Variants in ATXN1 observed in about 807,000 individuals in gnomAD.
The protein encoded by ATXN1 is ataxin 1, also known as ataxin-1.
A neutral mutation model predicts 56.4 loss-of-function variants in ATXN1; 8 were observed. That is an observed-to-expected ratio of 0.14 (90% CI 0.08 to 0.26). The LOEUF is 0.26. ATXN1 is among the 10% of genes least tolerant of loss of function. The pLI is 1.00. For missense variants in ATXN1, 987 were observed against 1,106.5 expected, an observed-to-expected ratio of 0.89 and a Z score of 1.53; for synonymous variants, 514 against 494.6, an observed-to-expected ratio of 1.04 and a Z score of -0.52.
At chr6:16,392,752 T>TCC (rs1406441798) in intron 6 of ATXN1, among the ~76,000 whole-genome samples, 1 of 152,154 alleles carries the variant, frequency 6.6e-6, no homozygotes, top group African/African-American at 2.4e-5. Flanking sequence ...CGCTTTGGCC[T>TCC]CCCAAAGTGC....
At chr6:16,603,056 C>T (rs1467165179) in intron 3 of ATXN1, among the ~76,000 whole-genome samples, 2 of 152,120 alleles carry the variant, frequency 1.3e-5, no homozygotes, top group Non-Finnish European at 2.9e-5. Flanking sequence ...TTTCTAAGTG[C>T]CGATAAAATA....
intron 6 of ATXN1, among the ~76,000 whole-genome samples, chr6:16,348,302 C>G (rs931495023): frequency 6.6e-6 from 1 of 152,096 alleles, no homozygotes; most frequent in African/African-American, 2.4e-5. Flanking sequence ...TGGGCTTAAG[C>G]GATCCTCCCA....
intron 4 of ATXN1, among the ~76,000 whole-genome samples, chr6:16,553,344 G>A (rs1302412297): frequency 6.6e-6 from 1 of 152,106 alleles, no homozygotes; most frequent in African/African-American, 2.4e-5. Context: ...TCTTGCTCCT[G>A]TCCGGGTTCA....
chr6:16,552,431 A>G (rs1349731458), intron 4 of ATXN1, among the ~76,000 whole-genome samples: 1 of 152,232 alleles, frequency 6.6e-6, no homozygotes, highest in East Asian at 1.9e-4. Context: ...AAAAGAAAAA[A>G]TATTGTGCAC....
At chr6:16,518,198 A>C (rs1323701406) in intron 5 of ATXN1, among the ~76,000 whole-genome samples, 4 of 152,198 alleles carry the variant, frequency 2.6e-5, no homozygotes, top group East Asian at 1.9e-4. Flanking sequence ...AAATATGGCC[A>C]GAGCAGGAAG....
intron 6 of ATXN1, among the ~76,000 whole-genome samples, chr6:16,387,942 A>G (rs1169102947): frequency 6.6e-6 from 1 of 152,202 alleles, no homozygotes; most frequent in African/African-American, 2.4e-5. Context: ...AAAACTCCCA[A>G]TTGCATAAAT....
At chr6:16,322,666 A>G (rs1222443854) in intron 7 of ATXN1, among the ~76,000 whole-genome samples, 1 of 152,214 alleles carries the variant, frequency 6.6e-6, no homozygotes, top group Non-Finnish European at 1.5e-5. Flanking sequence ...TCAGGAAGGC[A>G]CTGCAGAGGG....
intron 3 of ATXN1, among the ~76,000 whole-genome samples, chr6:16,630,171 C>T (rs984806525): frequency 6.6e-6 from 1 of 152,114 alleles, no homozygotes; most frequent in East Asian, 1.9e-4. Flanking sequence ...GTGGGCATTC[C>T]CTTGGGTGCC....
At chr6:16,683,381 GGCAGTTTCTCA>G (rs1758854147) in intron 2 of ATXN1, among the ~76,000 whole-genome samples, 1 of 152,154 alleles carries the variant, frequency 6.6e-6, no homozygotes, top group Non-Finnish European at 1.5e-5. Context: ...GGATAAAGAG[GGCAGTTTCTCA>G]GCTTCAGTGC....
intron 5 of ATXN1, among the ~76,000 whole-genome samples, chr6:16,514,476 G>A (rs1206962524): frequency 2.6e-5 from 4 of 152,038 alleles, no homozygotes; most frequent in East Asian, 3.9e-4. Context: ...CACACATTCC[G>A]TTTTACTTTC....
intron 4 of ATXN1, among the ~76,000 whole-genome samples, chr6:16,575,740 A>T (rs192674489): frequency 4.3e-4 from 65 of 152,344 alleles, no homozygotes; most frequent in African/African-American, 1.5e-3. Context: ...CACATTTGCA[A>T]GTCCTTATTA....
At chr6:16,635,159 C>A (rs1490700333) in intron 3 of ATXN1, among the ~76,000 whole-genome samples, 1 of 152,110 alleles carries the variant, frequency 6.6e-6, no homozygotes, top group African/African-American at 2.4e-5. Context: ...GTGAACTGCA[C>A]ATGTGAGGGA....
intron 6 of ATXN1, among the ~76,000 whole-genome samples, chr6:16,387,943 T>C (rs572165657): frequency 3.6e-4 from 55 of 152,268 alleles, no homozygotes; most frequent in Admixed American, 3.1e-3. Flanking sequence ...AAACTCCCAA[T>C]TGCATAAATT....
chr6:16,327,829 G>A lies in ATXN1; in HGVS notation c.482C>T (p.Ser161Leu), dbSNP rs754202986. Residue 161 changes from serine to leucine, a missense_variant, in exon 7 of 8, where the codon TCG (serine) becomes TTG (leucine). Transcript: ENST00000436367. ...GGATGGAGTGGTGGCCCCTGCGGCC[G>A]AGGCCACTGCACTGGTGACGGGGTT... ...TANPVTSAVA[S>L]AAGATTPSQR... 23 of 1,608,728 alleles carry A rather than the reference G, an allele frequency of 1.4e-5. No homozygotes were observed. The highest frequency in any genetic ancestry group is 3.3e-5 in the South Asian group (3 of 91,088).
At position 16,306,701 on chromosome 6, in the gene ATXN1, G is replaced by T. The variant is rs761618831; in HGVS notation, c.2076C>A (p.Asn692Lys). ...CGGGCTGGCCCTTTTTAACAGAGCCGTTCTTCAGGTTCTTGAGGGTAAGCG... is the reference window on the plus strand; with the variant it reads ...CGGGCTGGCCCTTTTTAACAGAGCCTTTCTTCAGGTTCTTGAGGGTAAGCG... ...CISLTLKNLK[N>K]GSVKKGQPVD... Residue 692 changes from asparagine (N) to lysine (K), a missense_variant, in exon 8 of 8, where the codon AAC becomes AAA. Physicochemically the swap from Asn to Lys is moderately conservative, Grantham distance 94. Transcript: ENST00000436367. This position sits in a 1 kb window ranked among gnomAD's most constrained non-coding sequence, Gnocchi z 5.2. 2 of 1,614,072 alleles carry T rather than the reference G, an allele frequency of 1.2e-6. No individual in the cohort carries two copies. The highest frequency in any genetic ancestry group is 1.7e-6 in the Non-Finnish European group (2 of 1,180,052).
chr6:16,442,693 C>A (rs921571860), intron 6 of ATXN1, among the ~76,000 whole-genome samples: 1 of 152,092 alleles, frequency 6.6e-6, no homozygotes, highest in African/African-American at 2.4e-5. Flanking sequence ...AAGAAGGGTA[C>A]CATATTAAGG....
intron 6 of ATXN1, among the ~76,000 whole-genome samples, chr6:16,352,430 C>T (rs564679668): frequency 1.3e-5 from 2 of 152,226 alleles, no homozygotes; most frequent in African/African-American, 4.8e-5. Context: ...TGAAACTTCC[C>T]TCAATGACAC....
chr6:16,616,634 ATATAT>A (rs982171788), intron 3 of ATXN1, among the ~76,000 whole-genome samples: 28 of 142,350 alleles, frequency 2.0e-4, no homozygotes, highest in Admixed American at 5.7e-4. Flanking sequence ...TTTATATAAA[ATATAT>A]TATATAATGT....
At chr6:16,480,206 G>T (rs192401290) in intron 6 of ATXN1, among the ~76,000 whole-genome samples, 27 of 151,106 alleles carry the variant, frequency 1.8e-4, no homozygotes, top group Non-Finnish European at 3.5e-4. Context: ...AGAAAATGGT[G>T]GCCTGGTGGC....
Sources: gnomAD v4.1 joint callset for allele counts (sites outside exome capture counted in the v4.1 genomes callset) on GRCh38, gnomAD v4.1.1 for gene constraint, Gnocchi (gnomAD v3.1) non-coding constraint, MANE v1.5 for transcripts, NCBI Gene and HGNC (gene_info 2026-07-23, HGNC 2026-07-21) for gene names.